CCSER1: variants seen among roughly 807,000 people sequenced by gnomAD.
CCSER1 encodes the protein serine-rich coiled-coil domain-containing protein 1.
A neutral mutation model predicts 82.0 loss-of-function variants in CCSER1; 41 were observed. That is an observed-to-expected ratio of 0.50 (90% CI 0.39 to 0.65). CCSER1 has a LOEUF of 0.65. CCSER1 is among the 30% of genes least tolerant of loss of function. CCSER1 has a pLI of 0.00. For missense variants in CCSER1, 1,119 were observed against 1,064.2 expected, an observed-to-expected ratio of 1.05 and a Z score of -0.72; for synonymous variants, 414 against 383.9, an observed-to-expected ratio of 1.08 and a Z score of -0.92.
intron 6 of CCSER1, among the ~76,000 whole-genome samples, chr4:90,657,190 T>A (rs570923386): frequency 1.3e-4 from 20 of 152,228 alleles, no homozygotes; most frequent in African/African-American, 4.1e-4. Flanking sequence ...AAAAGCCACC[T>A]ATATCAGTTT....
At chr4:91,511,866 G>T (rs534234893) in intron 10 of CCSER1, among the ~76,000 whole-genome samples, 1 of 152,200 alleles carries the variant, frequency 6.6e-6, no homozygotes, top group East Asian at 1.9e-4. Flanking sequence ...TAGAAATAAA[G>T]TACACAATAA....
At chr4:90,773,768 C>G (rs1752541347) in intron 7 of CCSER1, among the ~76,000 whole-genome samples, 1 of 152,054 alleles carries the variant, frequency 6.6e-6, no homozygotes, top group South Asian at 2.1e-4. Flanking sequence ...TCCAAAATTA[C>G]AATAACATTA....
At chr4:90,572,162 G>A (rs1267302680) in intron 5 of CCSER1, among the ~76,000 whole-genome samples, 7 of 152,052 alleles carry the variant, frequency 4.6e-5, no homozygotes, top group African/African-American at 1.7e-4. Context: ...TTCCTTCTAG[G>A]CTTTGAATAT....
At chr4:90,198,869 CTT>C (rs1553955975) in intron 1 of CCSER1, among the ~76,000 whole-genome samples, 1 of 152,020 alleles carries the variant, frequency 6.6e-6, no homozygotes, top group Non-Finnish European at 1.5e-5. Flanking sequence ...TGTTTTGAAA[CTT>C]TTTAGATTAT....
At chr4:91,561,761 A>T (rs140228119) in intron 10 of CCSER1, among the ~76,000 whole-genome samples, 133 of 151,560 alleles carry the variant, frequency 8.8e-4, no homozygotes, top group African/African-American at 3.1e-3. Flanking sequence ...ATAGGATGAA[A>T]GCTGTTTCTG....
intron 5 of CCSER1, among the ~76,000 whole-genome samples, chr4:90,541,493 C>T (rs1421202789): frequency 9.9e-5 from 15 of 152,028 alleles, no homozygotes. Flanking sequence ...TACTTAACAA[C>T]TATGAATGTG....
chr4:90,776,350 T>C (rs962863618), intron 7 of CCSER1, among the ~76,000 whole-genome samples: 1 of 152,148 alleles, frequency 6.6e-6, no homozygotes, highest in African/African-American at 2.4e-5. Flanking sequence ...AGTCTTTTGG[T>C]TAAAAGAAGA....
chr4:91,400,859 C>T (rs1157834944), intron 10 of CCSER1, among the ~76,000 whole-genome samples: 4 of 151,812 alleles, frequency 2.6e-5, no homozygotes, highest in Middle Eastern at 6.8e-3. Context: ...GGTCTTTTGG[C>T]TTCCTTGTTA....
At chr4:90,440,545 A>G (rs11097250) in intron 4 of CCSER1, among the ~76,000 whole-genome samples, 55,359 of 152,104 alleles carry the variant, frequency 0.36, 16,005 homozygotes, top group African/African-American at 0.8. Flanking sequence ...TAGCAAACAT[A>G]ACTCCAGTCA....
At chr4:90,148,507 A>G (rs1726232743) in intron 1 of CCSER1, among the ~76,000 whole-genome samples, 1 of 152,186 alleles carries the variant, frequency 6.6e-6, no homozygotes, top group African/African-American at 2.4e-5. Flanking sequence ...TACAAGGTTG[A>G]TATAGATGTG....
At chr4:90,681,971 T>C (rs903578909) in intron 6 of CCSER1, among the ~76,000 whole-genome samples, 6 of 152,016 alleles carry the variant, frequency 3.9e-5, no homozygotes, top group African/African-American at 1.4e-4. Flanking sequence ...AATTCTCTAC[T>C]TGTCCACTAT....
chr4:90,139,318 A>G (rs1724291468), intron 1 of CCSER1, among the ~76,000 whole-genome samples: 1 of 152,158 alleles, frequency 6.6e-6, no homozygotes, highest in Non-Finnish European at 1.5e-5. Flanking sequence ...TATTTTCTGA[A>G]CAGTTTAGGT....
chr4:90,802,548 T>A (rs960934270), intron 7 of CCSER1, among the ~76,000 whole-genome samples: 13 of 142,042 alleles, frequency 9.2e-5, no homozygotes, highest in East Asian at 2.1e-4. Flanking sequence ...TATAAAAAAA[T>A]TTTATAGCAT....
chr4:90,150,723 A>G (rs1349579878), intron 1 of CCSER1, among the ~76,000 whole-genome samples: 1 of 152,172 alleles, frequency 6.6e-6, no homozygotes, highest in East Asian at 1.9e-4. Flanking sequence ...ATGCTTTACT[A>G]AGTAAGCCAG....
At position 90,314,119 on chromosome 4, in the gene CCSER1, G is replaced by T. The variant is rs866274116; in HGVS notation, c.1509+1072G>T. On this transcript the variant is annotated intron_variant, in intron 3 of 10. Transcript: ENST00000509176. Reference sequence around the variant, plus strand: ...TAGAGGTTTTAATCGTTTTTTTCTGGTGTGACCATTTCTTAATCCTGGGCA... The same window carrying T: ...TAGAGGTTTTAATCGTTTTTTTCTGTTGTGACCATTTCTTAATCCTGGGCA... Among the ~76,000 whole-genome samples the T allele has an allele frequency of 2.6e-5, 4 of 152,138 alleles. No individual in the cohort carries two copies. In the East Asian group the frequency reaches 5.8e-4, roughly 22 times the overall value.
At chr4:90,592,297 T>C (rs949288687) in intron 5 of CCSER1, among the ~76,000 whole-genome samples, 11 of 152,212 alleles carry the variant, frequency 7.2e-5, no homozygotes, top group East Asian at 1.9e-4. Context: ...TAATTTACCA[T>C]TGTGATAATG....
At chr4:90,244,543 C>A (rs938161984) in intron 1 of CCSER1, among the ~76,000 whole-genome samples, 1 of 152,100 alleles carries the variant, frequency 6.6e-6, no homozygotes, top group Admixed American at 6.6e-5. Context: ...TGACTCACAG[C>A]TCCACATGGC....
intron 8 of CCSER1, among the ~76,000 whole-genome samples, chr4:90,855,732 T>C (rs951665710): frequency 6.6e-6 from 1 of 152,148 alleles, no homozygotes; most frequent in African/African-American, 2.4e-5. Context: ...TAGATGACTA[T>C]TTACTAACTC....
At chr4:90,424,470 T>G (rs1468749344) in intron 4 of CCSER1, among the ~76,000 whole-genome samples, 1 of 152,228 alleles carries the variant, frequency 6.6e-6, no homozygotes, top group Admixed American at 6.5e-5. Context: ...CATATTTCTT[T>G]ACATGCATAC....
Sources: gnomAD v4.1 joint callset for allele counts (sites outside exome capture counted in the v4.1 genomes callset) on GRCh38, gnomAD v4.1.1 for gene constraint, MANE v1.5 for transcripts, NCBI Gene and HGNC (gene_info 2026-07-23, HGNC 2026-07-21) for gene names.